ZNF536: variants seen among roughly 807,000 people sequenced by gnomAD.
ZNF536 encodes zinc finger protein 536.
A neutral mutation model predicts 84.5 loss-of-function variants in ZNF536; 13 were observed. That is an observed-to-expected ratio of 0.15 (90% CI 0.10 to 0.24). The LOEUF is 0.24. Among genes scored for constraint, ZNF536 ranks in the 10% least tolerant of loss-of-function variants. The pLI is 1.00. For missense variants in ZNF536, 1,536 were observed against 1,747.5 expected, an observed-to-expected ratio of 0.88 and a Z score of 2.16; for synonymous variants, 811 against 742.5, an observed-to-expected ratio of 1.09 and a Z score of -1.50.
At chr19:30,529,058 C>A (rs900657374) in intron 2 of ZNF536, among the ~76,000 whole-genome samples, 8 of 151,876 alleles carry the variant, frequency 5.3e-5, no homozygotes, top group African/African-American at 1.9e-4. Flanking sequence ...AAGGGACTTG[C>A]TTGGGATAGT....
Position 30,447,490 on chromosome 19 carries a change from G to A in ZNF536, c.2170+1758G>A, listed in dbSNP as rs577128549. Among the ~76,000 whole-genome samples, 6 of 152,304 alleles carry A rather than the reference G, an allele frequency of 3.9e-5. No homozygotes were observed. In the East Asian group the frequency reaches 1.2e-3, roughly 29 times the overall value. On this transcript the variant is annotated intron_variant, in intron 2 of 4. Coordinates refer to ENST00000355537, the MANE Select transcript of ZNF536 (RefSeq NM_014717.3). ...ATGAAACACACTGTCTACTCCTGGA[G>A]TCCTAGACTTGTTTGGGATTTATTA... is the stretch of plus-strand genomic sequence containing the variant.
rs59463796 is a variant in ZNF536, at chr19:30,505,929, G to C, written c.2171-28918G>C. On this transcript the variant is annotated intron_variant, in intron 2 of 4. Coordinates refer to ENST00000355537, the MANE Select transcript of ZNF536 (RefSeq NM_014717.3). ...GATCTGCCCTCCTCAACCTCCCAAA[G>C]TGCTGGGAGTACAGGTGTGAGCCAC... is the stretch of plus-strand genomic sequence containing the variant. Among the ~76,000 whole-genome samples the C allele has an allele frequency of 7.1e-3, 1,077 of 152,176 alleles. 15 individuals are homozygous for C. Among genetic ancestry groups the C allele is most frequent in the African/African-American group, 0.024 (1,006 of 41,504 alleles).
chr19:30,631,823 C>A (rs2048898771), intron 1 of ZNF536, among the ~76,000 whole-genome samples: 1 of 152,320 alleles, frequency 6.6e-6, no homozygotes, highest in South Asian at 2.1e-4. Flanking sequence ...CTTTAATAAG[C>A]ACCCATCAGA....
intron 1 of ZNF536, among the ~76,000 whole-genome samples, chr19:30,703,521 G>A (rs2052086903): frequency 1.3e-5 from 2 of 152,282 alleles, no homozygotes; most frequent in South Asian, 4.1e-4. Flanking sequence ...TTAACAACTT[G>A]TTCCTTTGGG....
chr19:30,432,267 G>A (rs939879153), intron 1 of ZNF536, among the ~76,000 whole-genome samples: 7 of 152,076 alleles, frequency 4.6e-5, no homozygotes, highest in African/African-American at 1.2e-4. Flanking sequence ...CGTGGGCAAC[G>A]TCCCCTCTCC....
At chr19:30,482,735 C>T (rs1274709537) in intron 2 of ZNF536, among the ~76,000 whole-genome samples, 1 of 152,212 alleles carries the variant, frequency 6.6e-6, no homozygotes, top group African/African-American at 2.4e-5. Flanking sequence ...TCTGATGCCT[C>T]GCTTTCCAGC....
At chr19:30,668,074 G>A (rs191122010) in intron 1 of ZNF536, among the ~76,000 whole-genome samples, 209 of 152,256 alleles carry the variant, frequency 1.4e-3, no homozygotes, top group African/African-American at 4.8e-3. Context: ...GTGCCCTTCA[G>A]AAGTGCTAAC....
chr19:30,499,910 G>A (rs987748106), intron 2 of ZNF536, among the ~76,000 whole-genome samples: 2 of 152,100 alleles, frequency 1.3e-5, no homozygotes, highest in African/African-American at 4.8e-5. Context: ...ACGAAATGAA[G>A]TGTTCCTCCC....
At chr19:30,261,080 C>T (rs1015603872) in intron 1 of ZNF536, among the ~76,000 whole-genome samples, 19 of 151,840 alleles carry the variant, frequency 1.3e-4, no homozygotes, top group Non-Finnish European at 2.4e-4. Context: ...GGGCGGATCA[C>T]GAGGTCAGGA....
intron 2 of ZNF536, among the ~76,000 whole-genome samples, chr19:30,465,312 G>A (rs2053336149): frequency 6.6e-6 from 1 of 152,142 alleles, no homozygotes; most frequent in Admixed American, 6.6e-5. Flanking sequence ...TCCTCTGGGA[G>A]GCCTTTCCAG....
chr19:30,309,656 A>C (rs1376555466), intron 2 of ZNF536, among the ~76,000 whole-genome samples: 1 of 152,222 alleles, frequency 6.6e-6, no homozygotes, highest in African/African-American at 2.4e-5. Flanking sequence ...GTGTCTTAAA[A>C]ACTTTCGTAA....
intron 1 of ZNF536, among the ~76,000 whole-genome samples, chr19:30,620,764 G>A (rs371501660): frequency 6.6e-6 from 1 of 151,916 alleles, no homozygotes; most frequent in South Asian, 2.1e-4. Context: ...AATGACACAC[G>A]AAATGCAAAA....
At position 30,359,336 on chromosome 19, in the gene ZNF536, G is replaced by C. The variant is rs561402821; in HGVS notation, c.-3+6852G>C. On this transcript the variant is annotated intron_variant, in intron 3 of 5. Coordinates refer to the ZNF536 transcript ENST00000585628. ...CAGTGCGGCCCTGAGCTGCCCCCGGGACAGCCTGGTCTGGAGTGTATGAGG... is the reference window on the plus strand; with the variant it reads ...CAGTGCGGCCCTGAGCTGCCCCCGGCACAGCCTGGTCTGGAGTGTATGAGG... Among the ~76,000 whole-genome samples the C allele has an allele frequency of 3.9e-5, 6 of 152,334 alleles. No individual in the cohort carries two copies. The East Asian group carries it at 5.8e-4, about 15-fold the overall frequency.
intron 1 of ZNF536, among the ~76,000 whole-genome samples, chr19:30,231,599 TG>T (rs2023048575): frequency 6.6e-6 from 1 of 152,126 alleles, no homozygotes; most frequent in Non-Finnish European, 1.5e-5. Flanking sequence ...GTGCTTCATG[TG>T]GTACCTGCTC....
Position 30,315,328 on chromosome 19 carries a change from G to A in ZNF536, c.-120+31187G>A, listed in dbSNP as rs2046643370. Among the ~76,000 whole-genome samples the A allele has an allele frequency of 2.6e-5, 4 of 152,316 alleles. No individual in the cohort carries two copies. The South Asian group carries it at 8.3e-4, about 32-fold the overall frequency. Reference sequence around the variant, plus strand: ...AGTGAAAGGAGTTATTGAGAGTAGGGAGGCGAAGGCTTCCTGGAGGAGGCA... The same window carrying A: ...AGTGAAAGGAGTTATTGAGAGTAGGAAGGCGAAGGCTTCCTGGAGGAGGCA... On this transcript the variant is annotated intron_variant, in intron 2 of 5. Coordinates refer to the ZNF536 transcript ENST00000585628.
At chr19:30,611,673 T>A (rs1226392622) in intron 1 of ZNF536, among the ~76,000 whole-genome samples, 1 of 152,220 alleles carries the variant, frequency 6.6e-6, no homozygotes, top group African/African-American at 2.4e-5. Flanking sequence ...GCGCGTACTA[T>A]TTCTGCATAA....
At chr19:30,252,726 C>A (rs1298104744) in intron 1 of ZNF536, among the ~76,000 whole-genome samples, 1 of 152,144 alleles carries the variant, frequency 6.6e-6, no homozygotes, top group Non-Finnish European at 1.5e-5. Flanking sequence ...GGTTGGAGAC[C>A]AAGATTAGAT....
intron 2 of ZNF536, among the ~76,000 whole-genome samples, chr19:30,448,400 G>A (rs745818988): frequency 6.6e-6 from 1 of 152,130 alleles, no homozygotes; most frequent in Non-Finnish European, 1.5e-5. Context: ...GATACAATGG[G>A]TATTTTATTA....
At chr19:30,699,215 G>C (rs1445963283) in intron 1 of ZNF536, among the ~76,000 whole-genome samples, 1 of 152,060 alleles carries the variant, frequency 6.6e-6, no homozygotes, top group Non-Finnish European at 1.5e-5. Context: ...AAGGAGCCCT[G>C]GTTCCCTTTT....
Sources: allele counts gnomAD v4.1 joint callset (sites outside exome capture counted in the v4.1 genomes callset), GRCh38; gene constraint gnomAD v4.1.1; transcripts MANE v1.5; gene names NCBI Gene and HGNC (gene_info 2026-07-23, HGNC 2026-07-21).